Variants in MEIS2 observed in about 807,000 individuals in gnomAD.
MEIS2 encodes the protein Meis homeobox 2.
Under a neutral mutation model 58.6 loss-of-function variants are expected in MEIS2, and 9 were observed. The ratio of observed to expected loss-of-function variants is 0.15; its 90% confidence interval spans 0.09 to 0.27. MEIS2 has a LOEUF of 0.27. Among genes scored for constraint, MEIS2 ranks in the 10% least tolerant of loss-of-function variants. The pLI, the probability that MEIS2 is intolerant of heterozygous loss-of-function variation, is 1.00. For synonymous variants in MEIS2, 221 were observed against 228.4 expected (o/e 0.97, Z 0.29); for missense variants, 427 against 635.0 (o/e 0.67, Z 3.52).
chr15:36,959,174 C>T (rs578221203), intron 8 of MEIS2, among the ~76,000 whole-genome samples: 38 of 152,288 alleles, frequency 2.5e-4, no homozygotes, highest in African/African-American at 8.9e-4. Context: ...TCCCTGATTT[C>T]TCCAGTGAAA....
intron 6 of MEIS2, among the ~76,000 whole-genome samples, chr15:37,086,442 A>G (rs915269628): frequency 2.6e-5 from 4 of 152,206 alleles, no homozygotes; most frequent in African/African-American, 7.2e-5. Context: ...GGGGTGAAAA[A>G]TAAGCCACAG....
intron 7 of MEIS2, among the ~76,000 whole-genome samples, chr15:37,046,829 T>C (rs1380859834): frequency 2.0e-5 from 1 of 50,674 alleles, no homozygotes; most frequent in African/African-American, 5.4e-5. Flanking sequence ...GTTATTCTCG[T>C]TTAAAAAATA....
At chr15:36,990,099 C>T (rs1014942839) in intron 8 of MEIS2, among the ~76,000 whole-genome samples, 1 of 152,140 alleles carries the variant, frequency 6.6e-6, no homozygotes, top group Non-Finnish European at 1.5e-5. Flanking sequence ...CGCCCGCCAC[C>T]ACGCCCAGCT....
chr15:36,985,690 T>C (rs1314932599), intron 8 of MEIS2, among the ~76,000 whole-genome samples: 1 of 152,220 alleles, frequency 6.6e-6, no homozygotes. Flanking sequence ...CCCTACTTTC[T>C]GTTCATTTGC....
chr15:37,083,492 C>T (rs187466515), intron 7 of MEIS2, among the ~76,000 whole-genome samples: 1 of 152,250 alleles, frequency 6.6e-6, no homozygotes, highest in African/African-American at 2.4e-5. Flanking sequence ...CTTATACACA[C>T]AGAAATAAAG....
In MEIS2 at chr15:37,063,037, A is replaced by G. The variant is rs532986511; in HGVS notation, c.754+20734T>C. Among the ~76,000 whole-genome samples, 8 of 152,334 alleles carry G rather than the reference A, an allele frequency of 5.3e-5. No homozygotes were observed. In the East Asian group the frequency reaches 1.5e-3, roughly 29 times the overall value. ...TACTTACAGGGTGGATTTTTAGAAAAGAGCTGATCTCCGTTACCATTATGA... is the reference window on the plus strand; with the variant it reads ...TACTTACAGGGTGGATTTTTAGAAAGGAGCTGATCTCCGTTACCATTATGA... On this transcript the variant is annotated intron_variant, in intron 7 of 11. Coordinates refer to ENST00000561208, the MANE Select transcript of MEIS2 (RefSeq NM_170675.5).
At chr15:36,949,617 C>T (rs371946280) in intron 9 of MEIS2, among the ~76,000 whole-genome samples, 4 of 151,984 alleles carry the variant, frequency 2.6e-5, no homozygotes, top group Non-Finnish European at 5.9e-5. Context: ...CTGAACATCA[C>T]CCCAAGAATG....
At chr15:36,923,720 T>A (rs2057619536) in intron 9 of MEIS2, among the ~76,000 whole-genome samples, 1 of 152,198 alleles carries the variant, frequency 6.6e-6, no homozygotes, top group South Asian at 2.1e-4. Context: ...CCTGTCAGTT[T>A]CCCCCAGCAT....
chr15:37,040,097 G>A (rs2062356503), intron 7 of MEIS2, among the ~76,000 whole-genome samples: 1 of 148,620 alleles, frequency 6.7e-6, no homozygotes, highest in Non-Finnish European at 1.5e-5. Context: ...TGTGTGTGTG[G>A]TTGTGTGTAT....
chr15:37,038,013 G>A (rs144487523), intron 7 of MEIS2, among the ~76,000 whole-genome samples: 1 of 152,188 alleles, frequency 6.6e-6, no homozygotes, highest in Non-Finnish European at 1.5e-5. Flanking sequence ...GGAGCCACAC[G>A]AAAGAGGAAA....
intron 8 of MEIS2, among the ~76,000 whole-genome samples, chr15:37,033,479 C>T (rs562011338): frequency 3.3e-5 from 5 of 152,096 alleles, no homozygotes; most frequent in East Asian, 1.9e-4. Flanking sequence ...AAGGGTACAT[C>T]GGGGATTATT....
intron 8 of MEIS2, among the ~76,000 whole-genome samples, chr15:36,975,745 C>T (rs181849493): frequency 4.1e-4 from 62 of 152,212 alleles, no homozygotes; most frequent in African/African-American, 1.4e-3. Context: ...GGTGAGATGA[C>T]ATTAAGAAAG....
chr15:36,972,282 A>G (rs938300235), intron 8 of MEIS2, among the ~76,000 whole-genome samples: 6 of 152,192 alleles, frequency 3.9e-5, no homozygotes, highest in Non-Finnish European at 8.8e-5. Context: ...AAAAAAACAA[A>G]CATCCTGACT....
At chr15:37,015,236 A>T (rs961062963) in intron 8 of MEIS2, among the ~76,000 whole-genome samples, 1 of 152,182 alleles carries the variant, frequency 6.6e-6, no homozygotes, top group Non-Finnish European at 1.5e-5. Context: ...AGAGCCTGTC[A>T]CGGCATGCAT....
chr15:37,022,394 A>G (rs2061554198), intron 8 of MEIS2, among the ~76,000 whole-genome samples: 1 of 152,118 alleles, frequency 6.6e-6, no homozygotes, highest in Non-Finnish European at 1.5e-5. Context: ...ACACCAGCAC[A>G]CCCAGCTAAT....
Position 36,892,411 on chromosome 15 carries a change from C to T in MEIS2, c.1196G>A (p.Gly399Glu). The T allele has an allele frequency of 6.2e-7, 1 of 1,613,752 alleles. No individual in the cohort carries two copies. The highest frequency in any genetic ancestry group is 2.2e-5 in the East Asian group (1 of 44,868). The change falls in exon 12 of 12, where the codon GGA (glycine) becomes GAA (glutamate). Residue 399 changes from glycine (G) to glutamate (E), a missense_variant. Coordinates refer to ENST00000561208, the MANE Select transcript of MEIS2 (RefSeq NM_170675.5). ...GTAACTTGGCTGTGCCATACTCATT[C>T]CCATAGGACCACCCTGAGAAACGTA... ...GDYVSQGGPMGMSMAQPSYTP... is the reference protein window; with the variant it reads ...GDYVSQGGPMEMSMAQPSYTP...
At chr15:36,973,415 C>T (rs1175108450) in intron 8 of MEIS2, among the ~76,000 whole-genome samples, 2 of 152,140 alleles carry the variant, frequency 1.3e-5, no homozygotes, top group African/African-American at 4.8e-5. Flanking sequence ...TTTGGTTAAG[C>T]GCACTGACTC....
chr15:37,083,972 A>C, intron 6 of MEIS2, 87 bp from the exon 7 acceptor site: 1 of 1,096,854 alleles, frequency 9.1e-7, no homozygotes, highest in South Asian at 1.3e-5. Flanking sequence ...GAAAGAGACA[A>C]AAAAATGTAT....
In MEIS2 at chr15:37,057,832, GC is replaced by G. The variant is rs1293298662; in HGVS notation, c.755-20874del. ...ACAGGGTAAAGAGAGTAATCAAGAA[GC>G]CGAGGCTTGTATCCTGTGCTGGTCA... On this transcript the variant is annotated intron_variant, in intron 7 of 11. Transcript: ENST00000561208. Among the ~76,000 whole-genome samples, 3 of 152,060 alleles carry G rather than the reference GC, an allele frequency of 2.0e-5. No individual in the cohort carries two copies. In the East Asian group the frequency reaches 5.8e-4, roughly 29 times the overall value.
Sources: allele counts gnomAD v4.1 joint callset (sites outside exome capture counted in the v4.1 genomes callset), GRCh38; gene constraint gnomAD v4.1.1; transcripts MANE v1.5; gene names NCBI Gene and HGNC (gene_info 2026-07-23, HGNC 2026-07-21).